The following NPAS3 variants were observed in gnomAD, a reference collection of about 807,000 sequenced individuals.
The protein encoded by NPAS3 is neuronal PAS domain protein 3.
Under a neutral mutation model 73.1 loss-of-function variants are expected in NPAS3, and 14 were observed. The observed-to-expected ratio is 0.19, with a 90% CI of 0.13 to 0.30. The LOEUF (loss-of-function observed/expected upper bound fraction) is 0.30, where lower values mean the gene tolerates loss of function less well. NPAS3 is among the 10% of genes least tolerant of loss of function. The probability of loss-of-function intolerance (pLI) is 1.00; values close to 1 mark genes in which losing one functional copy is unlikely to be tolerated. For missense variants in NPAS3, 1,096 were observed against 1,250.0 expected (o/e 0.88, Z 1.86); for synonymous variants, 620 against 541.5 (o/e 1.14, Z -2.01).
chr14:33,738,988 G>A (rs1347002908), intron 7 of NPAS3, among the ~76,000 whole-genome samples: 1 of 152,110 alleles, frequency 6.6e-6, no homozygotes, highest in Non-Finnish European at 1.5e-5. Flanking sequence ...CTTTGGCATG[G>A]GACTTTCAGT....
intron 4 of NPAS3, among the ~76,000 whole-genome samples, chr14:33,410,225 T>G (rs2047861746): frequency 6.6e-6 from 1 of 152,198 alleles, no homozygotes; most frequent in Admixed American, 6.5e-5. Flanking sequence ...CATATAGTTT[T>G]TCTGCCTACA....
chr14:33,407,695 T>C (rs964669643), intron 4 of NPAS3, among the ~76,000 whole-genome samples: 6 of 152,242 alleles, frequency 3.9e-5, no homozygotes, highest in African/African-American at 1.4e-4. Context: ...CTCTCCGTTT[T>C]CCCCACCTTC....
At chr14:33,664,210 C>T (rs752917131) in intron 5 of NPAS3, among the ~76,000 whole-genome samples, 20 of 152,180 alleles carry the variant, frequency 1.3e-4, no homozygotes, top group South Asian at 2.1e-4. Flanking sequence ...TCAGAAATAA[C>T]GCTGCATATC....
chr14:33,578,549 C>T (rs1166731978), intron 5 of NPAS3, among the ~76,000 whole-genome samples: 1 of 152,166 alleles, frequency 6.6e-6, no homozygotes, highest in Non-Finnish European at 1.5e-5. Context: ...AATAATCTAT[C>T]CTACATTTTT....
intron 1 of NPAS3, among the ~76,000 whole-genome samples, chr14:32,988,289 T>A (rs979604455): frequency 5.3e-5 from 8 of 152,298 alleles, no homozygotes; most frequent in African/African-American, 1.9e-4. Context: ...GTGTTTTTTG[T>A]ATGTCCACAG....
intron 1 of NPAS3, among the ~76,000 whole-genome samples, chr14:32,947,107 A>T (rs1420056344): frequency 6.6e-6 from 1 of 152,188 alleles, no homozygotes; most frequent in Non-Finnish European, 1.5e-5. Flanking sequence ...CTGATGAACT[A>T]GGGCATTTTC....
intron 4 of NPAS3, among the ~76,000 whole-genome samples, chr14:33,496,329 T>G (rs1333994668): frequency 2.6e-5 from 4 of 152,056 alleles, no homozygotes; most frequent in African/African-American, 9.7e-5. Flanking sequence ...AAAGAGGGAC[T>G]CCACCCTAAC....
intron 3 of NPAS3, among the ~76,000 whole-genome samples, chr14:33,223,685 T>C (rs767531920): frequency 2.0e-5 from 3 of 152,212 alleles, no homozygotes; most frequent in Non-Finnish European, 4.4e-5. Flanking sequence ...TTGGACTATA[T>C]GGTTTCTTGA....
At chr14:33,354,232 C>A (rs933586859) in intron 3 of NPAS3, among the ~76,000 whole-genome samples, 7 of 151,974 alleles carry the variant, frequency 4.6e-5, no homozygotes, top group African/African-American at 1.5e-4. Context: ...GAGAGTCATC[C>A]CTTACTCTCC....
intron 2 of NPAS3, among the ~76,000 whole-genome samples, chr14:33,068,761 A>G (rs903253580): frequency 6.6e-6 from 1 of 152,174 alleles, no homozygotes; most frequent in Non-Finnish European, 1.5e-5. Flanking sequence ...TAAGGAAGTG[A>G]GGGAGTTAGG....
chr14:33,081,180 C>T (rs952363), intron 2 of NPAS3, among the ~76,000 whole-genome samples: 50,679 of 151,906 alleles, frequency 0.33, 8,696 homozygotes, highest in African/African-American at 0.43. Context: ...GTGGTATGGC[C>T]GTAGACTAGA....
chr14:33,361,501 A>C (rs899436343), intron 3 of NPAS3, among the ~76,000 whole-genome samples: 3 of 152,200 alleles, frequency 2.0e-5, no homozygotes, highest in Non-Finnish European at 2.9e-5. Flanking sequence ...AAAAGCAGAC[A>C]TGGTTTCTTT....
intron 1 of NPAS3, among the ~76,000 whole-genome samples, chr14:32,960,198 T>A (rs2036852196): frequency 6.6e-6 from 1 of 152,144 alleles, no homozygotes; most frequent in Non-Finnish European, 1.5e-5. Context: ...TATGTAGTTT[T>A]TTTTTCCATT....
chr14:33,707,300 C>T (rs777794127), intron 6 of NPAS3, among the ~76,000 whole-genome samples: 21 of 151,472 alleles, frequency 1.4e-4, no homozygotes, highest in Non-Finnish European at 2.9e-4. Flanking sequence ...AGTTCTATTT[C>T]GACAAGTAGA....
intron 10 of NPAS3, 82 bp from the exon 11 acceptor site, chr14:33,797,375 C>T (rs557691839): frequency 1.4e-6 from 2 of 1,464,460 alleles, no homozygotes; most frequent in Non-Finnish European, 1.9e-6. Context: ...AAGTCTGGGA[C>T]AAAGAAGTGG....
intron 3 of NPAS3, among the ~76,000 whole-genome samples, chr14:33,251,832 G>A (rs1398998807): frequency 1.3e-5 from 2 of 151,872 alleles, no homozygotes; most frequent in Non-Finnish European, 2.9e-5. Flanking sequence ...ACCATTATAG[G>A]GCTTTAGCTT....
chr14:33,271,998 A>G (rs2041112595), intron 3 of NPAS3, among the ~76,000 whole-genome samples: 1 of 152,126 alleles, frequency 6.6e-6, no homozygotes, highest in Non-Finnish European at 1.5e-5. Context: ...AAATTAAGTG[A>G]CTGTAAATTT....
intron 3 of NPAS3, among the ~76,000 whole-genome samples, chr14:33,319,539 A>G (rs900173742): frequency 6.6e-6 from 1 of 152,122 alleles, no homozygotes; most frequent in African/African-American, 2.4e-5. Context: ...TGAAGGACCT[A>G]TGTGAGGCAC....
chr14:33,202,883 T>G (rs1330194104), intron 2 of NPAS3, among the ~76,000 whole-genome samples: 1 of 152,208 alleles, frequency 6.6e-6, no homozygotes, highest in East Asian at 1.9e-4. Flanking sequence ...CAATTAATTT[T>G]CAAGAACTTA....
Sources: allele counts gnomAD v4.1 joint callset (sites outside exome capture counted in the v4.1 genomes callset), GRCh38; gene constraint gnomAD v4.1.1; transcripts MANE v1.5; gene names NCBI Gene and HGNC (gene_info 2026-07-23, HGNC 2026-07-21).